Variants in SDR9C7 observed in about 807,000 individuals in gnomAD.
SDR9C7 encodes short chain dehydrogenase/reductase family 9C member 7.
A neutral mutation model predicts 23.6 loss-of-function variants in SDR9C7; 11 were observed. That is an observed-to-expected ratio of 0.47 (90% CI 0.29 to 0.77). The LOEUF is 0.77. Ranked by LOEUF, SDR9C7 falls within the 30% of genes least tolerant of loss-of-function variation. The pLI is 0.09. For synonymous variants in SDR9C7, 167 were observed against 157.3 expected, an observed-to-expected ratio of 1.06 and a Z score of -0.46; for missense variants, 387 against 407.1, an observed-to-expected ratio of 0.95 and a Z score of 0.42.
intron 1 of SDR9C7, among the ~76,000 whole-genome samples, chr12:56,933,032 C>T (rs1475568373): frequency 1.3e-5 from 2 of 152,210 alleles, no homozygotes; most frequent in African/African-American, 2.4e-5. Flanking sequence ...TGGGCCCACA[C>T]CCTGTGTGCT....
rs1478066657 is a variant in SDR9C7, at chr12:56,924,184, G to A, written c.725-134C>T. Reference sequence around the variant, plus strand: ...CAGGCAGGTCCGCCACACCCTCCAGGTGGTCCCTTATACAAACACACATTT... The same window carrying A: ...CAGGCAGGTCCGCCACACCCTCCAGATGGTCCCTTATACAAACACACATTT... On this transcript the variant is annotated intron_variant, in intron 3 of 3. Transcript: ENST00000293502. 5 of 618,038 alleles carry A rather than the reference G, an allele frequency of 8.1e-6. No individual in the cohort carries two copies. The East Asian group carries it at 1.4e-4, about 17-fold the overall frequency. 38.3% of individuals were successfully genotyped at this position (618,038 alleles called of 1,614,324 possible).
intron 1 of SDR9C7, 100 bp from the exon 2 acceptor site, chr12:56,930,584 G>A: frequency 1.5e-6 from 2 of 1,348,412 alleles, no homozygotes; most frequent in Non-Finnish European, 2.0e-6. Context: ...GGTTGAGCAG[G>A]TGCACAAGAC....
At chr12:56,930,046 A>T (rs1451091041) in intron 2 of SDR9C7, among the ~76,000 whole-genome samples, 180 bp downstream of exon 2, 5 of 151,736 alleles carry the variant, frequency 3.3e-5, no homozygotes, top group Non-Finnish European at 7.4e-5. Flanking sequence ...TTTCCACCCT[A>T]CCTCTTCTCC....
Position 56,930,186 on chromosome 12 carries a change from G to T in SDR9C7, c.560+40C>A, listed in dbSNP as rs753976172. The T allele has an allele frequency of 9.3e-5, 149 of 1,605,644 alleles. 1 individual carries two copies. Among genetic ancestry groups the T allele is most frequent in the Non-Finnish European group, 4.0e-5 (47 of 1,174,212 alleles). On this transcript the variant is annotated intron_variant, in intron 2 of 3. Transcript: ENST00000293502. ...ACTCCCAACCCTCTCTAATCTCTGG[G>T]ATTTTCACCCAGAATTGTTCAGTAC...
At chr12:56,926,150 A>G (rs1955732420) in intron 3 of SDR9C7, among the ~76,000 whole-genome samples, 1 of 152,160 alleles carries the variant, frequency 6.6e-6, no homozygotes, top group African/African-American at 2.4e-5. Context: ...GACAAAATCT[A>G]TAAAGTATCA....
At chr12:56,924,082 T>C in intron 3 of SDR9C7, 32 bp from the exon 4 acceptor site, 1 of 1,448,510 alleles carries the variant, frequency 6.9e-7, no homozygotes, top group Non-Finnish European at 9.6e-7. Context: ...AAAAAGGCTC[T>C]GTTATTCTTC....
At chr12:56,932,148 G>T (rs1486408412) in intron 1 of SDR9C7, among the ~76,000 whole-genome samples, 1 of 152,212 alleles carries the variant, frequency 6.6e-6, no homozygotes, top group African/African-American at 2.4e-5. Flanking sequence ...GGGAATTAAG[G>T]TTGCAGGTGG....
intron 1 of SDR9C7, among the ~76,000 whole-genome samples, chr12:56,930,824 CCT>C (rs1303311618): frequency 6.6e-6 from 1 of 152,200 alleles, no homozygotes; most frequent in Non-Finnish European, 1.5e-5. Context: ...CATACTTCTC[CCT>C]CTCTATTCAC....
intron 3 of SDR9C7, among the ~76,000 whole-genome samples, chr12:56,928,042 C>T (rs1363417753): frequency 6.6e-6 from 1 of 152,150 alleles, no homozygotes; most frequent in Admixed American, 6.5e-5. Flanking sequence ...CTAAGGAGTA[C>T]TCCAAACATT....
intron 3 of SDR9C7, among the ~76,000 whole-genome samples, chr12:56,924,698 A>T (rs936831164): frequency 2.0e-5 from 3 of 152,206 alleles, no homozygotes. Flanking sequence ...AGCCAGGCCA[A>T]TCACCTGAGG....
In SDR9C7 at chr12:56,923,622, C is replaced by G. The variant is rs1196745258; in HGVS notation, c.*211G>C. The G allele has an allele frequency of 2.1e-6, 1 of 470,354 alleles. No homozygotes were observed. Among genetic ancestry groups the G allele is most frequent in the African/African-American group, 2.0e-5 (1 of 51,056 alleles). The allele number at this position is 470,354 out of a possible 1,614,324, so 29.1% of individuals were successfully genotyped here. On this transcript the variant is annotated 3_prime_UTR_variant, in exon 4 of 4. Coordinates refer to ENST00000293502, the MANE Select transcript of SDR9C7 (RefSeq NM_148897.3). The stretch of plus-strand genomic sequence containing the variant: ...CAGATCGCTGAACCTGCAAAGACCA[C>G]CTCAGGTTTCTGTGGGGTCCCAGAG...
At chr12:56,933,236 A>G (rs1202765562) in intron 1 of SDR9C7, among the ~76,000 whole-genome samples, 1 of 152,174 alleles carries the variant, frequency 6.6e-6, no homozygotes, top group Non-Finnish European at 1.5e-5. Flanking sequence ...GCACCCACTC[A>G]TGGGATCCAG....
chr12:56,933,552 G>A (rs930228544), intron 1 of SDR9C7, among the ~76,000 whole-genome samples: 2 of 152,112 alleles, frequency 1.3e-5, no homozygotes, highest in African/African-American at 4.8e-5. Flanking sequence ...TAGAGATGGG[G>A]TTTCACCATG....
intron 3 of SDR9C7, among the ~76,000 whole-genome samples, chr12:56,926,038 G>T (rs1414214780): frequency 6.6e-6 from 1 of 152,210 alleles, no homozygotes; most frequent in Non-Finnish European, 1.5e-5. Context: ...GGAGACGGAA[G>T]GACCCATCCA....
chr12:56,929,628 G>T, intron 2 of SDR9C7, 75 bp from the exon 3 acceptor site: 2 of 1,522,292 alleles, frequency 1.3e-6, no homozygotes, highest in Non-Finnish European at 1.8e-6. Context: ...TGGATGGGCT[G>T]GTCTTTCAGG....
At chr12:56,933,846 A>G (rs1198216238) in intron 1 of SDR9C7, 115 bp downstream of exon 1, 1 of 1,290,600 alleles carries the variant, frequency 7.7e-7, no homozygotes, top group African/African-American at 1.5e-5. Context: ...CTTTCCCTAC[A>G]TCACCCCTCC....
At position 56,934,228 on chromosome 12, in the gene SDR9C7, G is replaced by T; in HGVS notation, c.34C>A (p.Arg12Ser). The T allele has an allele frequency of 6.2e-7, 1 of 1,614,128 alleles. No individual in the cohort carries two copies. Among genetic ancestry groups the T allele is most frequent in the Non-Finnish European group, 8.5e-7 (1 of 1,180,008 alleles). Residue 12 changes from arginine (R) to serine (S), a missense_variant, in exon 1 of 4, where the codon CGC (arginine) becomes AGC (serine). Arg to Ser is a moderately radical substitution (Grantham distance 110, BLOSUM62 -1). Coordinates refer to ENST00000293502, the MANE Select transcript of SDR9C7 (RefSeq NM_148897.3). Reference sequence around the variant, plus strand: ...ACCAGATTGCAGTTCTTGAACCAGCGATACATAAATGAGAGGTCTGTGAGG... The same window carrying T: ...ACCAGATTGCAGTTCTTGAACCAGCTATACATAAATGAGAGGTCTGTGAGG... ...AALTDLSFMY[R>S]WFKNCNLVGN...
In SDR9C7 at chr12:56,933,638, G is replaced by T. The variant is rs533116451; in HGVS notation, c.301+323C>A. The stretch of plus-strand genomic sequence containing the variant: ...CTTCCAAAGTGCTGGGCTCATAGGC[G>T]TGAGCCACCACGCCCAGCCAGGCAC... On this transcript the variant is annotated intron_variant, in intron 1 of 3. Coordinates refer to ENST00000293502, the MANE Select transcript of SDR9C7 (RefSeq NM_148897.3). Among the ~76,000 whole-genome samples, 284 of 152,342 alleles carry T rather than the reference G, an allele frequency of 1.9e-3. 2 individuals are homozygous for T. The highest frequency in any genetic ancestry group is 4.0e-3 in the Admixed American group (61 of 15,310).
chr12:56,934,012 C>G lies in SDR9C7; in HGVS notation c.250G>C (p.Glu84Gln). The change falls in exon 1 of 4, where the codon GAA becomes CAA. Residue 84 changes from glutamate to glutamine, a missense_variant. Coordinates refer to ENST00000293502, the MANE Select transcript of SDR9C7 (RefSeq NM_148897.3). ...QTTLLDVTKS[E>Q]SIKAAAQWVR... ...CACTGGGCCGCCGCCTTGATGCTTT[C>G]GCTCTTGGTGACATCCAGTAGGGTG... 6.2e-7 allele frequency: 1 copy of G among 1,613,478 alleles called. No homozygotes were observed. The highest frequency in any genetic ancestry group is 8.5e-7 in the Non-Finnish European group (1 of 1,179,422).
Sources: gnomAD v4.1 joint callset for allele counts (sites outside exome capture counted in the v4.1 genomes callset) on GRCh38, gnomAD v4.1.1 for gene constraint, MANE v1.5 for transcripts, NCBI Gene and HGNC (gene_info 2026-07-23, HGNC 2026-07-21) for gene names.